The following NKAIN2 variants were observed in gnomAD, a reference collection of about 807,000 sequenced individuals.
NKAIN2 encodes the protein sodium/potassium-transporting ATPase subunit beta-1-interacting protein 2.
Under a neutral mutation model 32.6 loss-of-function variants are expected in NKAIN2, and 14 were observed. The observed-to-expected ratio is 0.43, with a 90% confidence interval of 0.28 to 0.67. The LOEUF (loss-of-function observed/expected upper bound fraction) is 0.67, where lower values mean the gene tolerates loss of function less well. Among genes scored for constraint, NKAIN2 ranks in the 30% least tolerant of loss-of-function variants. NKAIN2 has a pLI of 0.17. For synonymous variants in NKAIN2, 80 were observed against 87.2 expected (o/e 0.92, Z 0.46); for missense variants, 198 against 258.3 (o/e 0.77, Z 1.60).
chr6:124,032,265 G>A (rs1781437300), intron 1 of NKAIN2, among the ~76,000 whole-genome samples: 1 of 113,518 alleles, frequency 8.8e-6, no homozygotes, highest in Non-Finnish European at 1.7e-5. Context: ...CTGTCGTGGG[G>A]TGGGGGGAGG....
intron 1 of NKAIN2, among the ~76,000 whole-genome samples, chr6:124,142,335 T>C (rs1787186741): frequency 6.6e-6 from 1 of 152,216 alleles, no homozygotes; most frequent in South Asian, 2.1e-4. Flanking sequence ...GTGATTACCA[T>C]ATTTTAAGTC....
intron 1 of NKAIN2, among the ~76,000 whole-genome samples, chr6:124,015,414 G>A (rs577930489): frequency 1.4e-4 from 21 of 152,148 alleles, no homozygotes; most frequent in Non-Finnish European, 3.1e-4. Context: ...GATAGTTTCT[G>A]TAGGGCTTCT....
intron 3 of NKAIN2, among the ~76,000 whole-genome samples, chr6:124,528,149 G>T (rs1007607201): frequency 6.6e-6 from 1 of 152,176 alleles, no homozygotes; most frequent in Non-Finnish European, 1.5e-5. Context: ...CATTTAAGAG[G>T]CTATTAAGGC....
chr6:123,999,069 G>A (rs1042266739), intron 1 of NKAIN2, among the ~76,000 whole-genome samples: 7 of 151,938 alleles, frequency 4.6e-5, no homozygotes, highest in African/African-American at 1.7e-4. Context: ...TGTCAGTCTT[G>A]GTGCTATTTA....
At chr6:123,951,802 T>C (rs925699217) in intron 1 of NKAIN2, among the ~76,000 whole-genome samples, 19 of 151,960 alleles carry the variant, frequency 1.3e-4, no homozygotes, top group Admixed American at 1.3e-4. Flanking sequence ...TTAATATTGT[T>C]TTTAATATGT....
At chr6:124,815,769 TTC>T (rs1467614638) in intron 5 of NKAIN2, among the ~76,000 whole-genome samples, 1 of 152,182 alleles carries the variant, frequency 6.6e-6, no homozygotes, top group Non-Finnish European at 1.5e-5. Context: ...ATTAAGAATT[TTC>T]TGTCTTCTCT....
intron 1 of NKAIN2, among the ~76,000 whole-genome samples, chr6:124,103,688 AG>A (rs1232851363): frequency 5.3e-5 from 8 of 152,344 alleles, no homozygotes; most frequent in African/African-American, 1.9e-4. Context: ...AAGCATTAAA[AG>A]GTTTTTTTGT....
chr6:124,046,194 T>G (rs575988468), intron 1 of NKAIN2, among the ~76,000 whole-genome samples: 52 of 152,138 alleles, frequency 3.4e-4, no homozygotes, highest in Admixed American at 3.4e-3. Flanking sequence ...CTCAGTCTTT[T>G]TACATATATA....
intron 1 of NKAIN2, among the ~76,000 whole-genome samples, chr6:123,866,224 C>T (rs1175221853): frequency 6.6e-6 from 1 of 152,104 alleles, no homozygotes; most frequent in Non-Finnish European, 1.5e-5. Context: ...CTCTTTTTCC[C>T]TCTCCTTTTG....
chr6:123,975,103 A>G (rs1241166356), intron 1 of NKAIN2, among the ~76,000 whole-genome samples: 3 of 152,196 alleles, frequency 2.0e-5, no homozygotes, highest in Admixed American at 2.0e-4. Context: ...TGTCTTGCCA[A>G]CAACCCATTT....
At chr6:124,788,818 C>G (rs981251416) in intron 4 of NKAIN2, among the ~76,000 whole-genome samples, 1 of 151,932 alleles carries the variant, frequency 6.6e-6, no homozygotes, top group Non-Finnish European at 1.5e-5. Context: ...TCTGAAACCC[C>G]TTTCTATAGG....
chr6:124,346,447 C>T (rs1255119618), intron 2 of NKAIN2, among the ~76,000 whole-genome samples: 2 of 152,134 alleles, frequency 1.3e-5, no homozygotes, highest in Non-Finnish European at 2.9e-5. Context: ...TAAAGTCTCC[C>T]ATTGTTATTG....
intron 1 of NKAIN2, among the ~76,000 whole-genome samples, chr6:123,865,808 T>C (rs1481301881): frequency 3.3e-5 from 5 of 152,090 alleles, no homozygotes; most frequent in African/African-American, 1.2e-4. Context: ...TTGTTGAATA[T>C]TGTGAAAACA....
At chr6:124,664,372 CA>C (rs1772666929) in intron 4 of NKAIN2, among the ~76,000 whole-genome samples, 1 of 151,734 alleles carries the variant, frequency 6.6e-6, no homozygotes, top group East Asian at 1.9e-4. Context: ...TTGTTTTGAT[CA>C]ATTTTATATA....
chr6:124,608,384 A>C (rs1308380521), intron 3 of NKAIN2, among the ~76,000 whole-genome samples: 1 of 152,158 alleles, frequency 6.6e-6, no homozygotes, highest in Non-Finnish European at 1.5e-5. Context: ...CATCCCCTTC[A>C]ACAAGATAGA....
intron 3 of NKAIN2, among the ~76,000 whole-genome samples, chr6:124,386,207 G>A (rs1197469201): frequency 2.6e-5 from 4 of 152,116 alleles, no homozygotes; most frequent in Admixed American, 6.6e-5. Flanking sequence ...AACACCTGTC[G>A]AGGTAGAGAA....
intron 1 of NKAIN2, among the ~76,000 whole-genome samples, chr6:123,952,904 G>C (rs1226739872): frequency 2.0e-5 from 3 of 152,024 alleles, no homozygotes; most frequent in African/African-American, 7.2e-5. Context: ...ACCGTTGTTG[G>C]AGAGTCACTG....
intron 3 of NKAIN2, among the ~76,000 whole-genome samples, chr6:124,425,110 G>GA (rs760501199): frequency 6.6e-6 from 1 of 152,066 alleles, no homozygotes; most frequent in African/African-American, 2.4e-5. Flanking sequence ...ACAATCTTTG[G>GA]AAAATCCAAT....
chr6:124,265,571 G>C (rs560745901), intron 1 of NKAIN2, among the ~76,000 whole-genome samples: 1 of 152,108 alleles, frequency 6.6e-6, no homozygotes, highest in Non-Finnish European at 1.5e-5. Context: ...GCAATTTTAT[G>C]TGCCTTTTAT....
Sources: allele counts gnomAD v4.1 joint callset (sites outside exome capture counted in the v4.1 genomes callset), GRCh38; gene constraint gnomAD v4.1.1; transcripts MANE v1.5; gene names NCBI Gene and HGNC (gene_info 2026-07-23, HGNC 2026-07-21).